RBFOX1: variants seen among roughly 807,000 people sequenced by gnomAD.
RBFOX1 encodes RNA binding protein fox-1 homolog 1.
Under a neutral mutation model 57.7 loss-of-function variants are expected in RBFOX1, and 8 were observed. The ratio of observed to expected loss-of-function variants is 0.14; its 90% CI spans 0.08 to 0.25. The LOEUF (loss-of-function observed/expected upper bound fraction) is 0.25. Ranked by LOEUF, RBFOX1 falls within the 10% of genes least tolerant of loss-of-function variation. The pLI, the probability that RBFOX1 is intolerant of heterozygous loss-of-function variation, is 1.00. For missense variants in RBFOX1, 611 were observed against 548.5 expected (o/e 1.11, Z -1.14); for synonymous variants, 326 against 222.4 (o/e 1.47, Z -4.15).
chr16:6,240,137 G>A (rs561467581), intron 1 of RBFOX1, among the ~76,000 whole-genome samples: 2 of 152,150 alleles, frequency 1.3e-5, no homozygotes, highest in South Asian at 2.1e-4. Context: ...TTCACCTTCC[G>A]CCATGAGTGA....
intron 3 of RBFOX1, among the ~76,000 whole-genome samples, chr16:6,823,105 G>T (rs917606951): frequency 6.6e-6 from 1 of 152,122 alleles, no homozygotes; most frequent in African/African-American, 2.4e-5. Flanking sequence ...GAGCATCAGA[G>T]GGTCATAGCC....
At chr16:5,385,580 A>C (rs907136371) in intron 1 of RBFOX1, among the ~76,000 whole-genome samples, 1 of 152,198 alleles carries the variant, frequency 6.6e-6, no homozygotes, top group Non-Finnish European at 1.5e-5. Context: ...TCAGCCGCCT[A>C]ATGGGCTGTC....
At chr16:7,645,581 C>A (rs1860320) in intron 11 of RBFOX1, among the ~76,000 whole-genome samples, 1 of 152,114 alleles carries the variant, frequency 6.6e-6, no homozygotes, top group Non-Finnish European at 1.5e-5. Flanking sequence ...TAGGACATTG[C>A]GTTTCTGTAA....
At chr16:5,391,635 C>G (rs973641582) in intron 1 of RBFOX1, among the ~76,000 whole-genome samples, 1 of 152,128 alleles carries the variant, frequency 6.6e-6, no homozygotes, top group African/African-American at 2.4e-5. Flanking sequence ...GCTGTCTGTT[C>G]CAGGCTCTTT....
At chr16:5,704,559 C>G (rs1025482223) in intron 3 of RBFOX1, among the ~76,000 whole-genome samples, 7 of 152,154 alleles carry the variant, frequency 4.6e-5, no homozygotes, top group Non-Finnish European at 4.4e-5. Flanking sequence ...CGTTATTCCT[C>G]GGAGATAAAT....
At chr16:6,057,692 C>T (rs1463829970) in intron 1 of RBFOX1, among the ~76,000 whole-genome samples, 1 of 152,050 alleles carries the variant, frequency 6.6e-6, no homozygotes, top group Non-Finnish European at 1.5e-5. Context: ...GTTTAGAATG[C>T]TTGAAGATGT....
At chr16:5,919,454 T>C (rs2058772930) in intron 4 of RBFOX1, among the ~76,000 whole-genome samples, 1 of 152,152 alleles carries the variant, frequency 6.6e-6, no homozygotes, top group Non-Finnish European at 1.5e-5. Context: ...GCGATTCTCC[T>C]GCCTCAGCCT....
At chr16:6,606,916 C>A (rs1345273491) in intron 2 of RBFOX1, among the ~76,000 whole-genome samples, 1 of 152,128 alleles carries the variant, frequency 6.6e-6, no homozygotes, top group Non-Finnish European at 1.5e-5. Context: ...TGTTCTGAAT[C>A]TTTGAGGAAT....
chr16:5,257,693 A>C (rs774721243), intron 1 of RBFOX1, among the ~76,000 whole-genome samples: 1 of 152,136 alleles, frequency 6.6e-6, no homozygotes, highest in Non-Finnish European at 1.5e-5. Context: ...CCATGAAGCA[A>C]GGCGCATGGG....
intron 3 of RBFOX1, among the ~76,000 whole-genome samples, chr16:7,036,143 C>T (rs935098827): frequency 6.6e-6 from 1 of 151,870 alleles, no homozygotes; most frequent in Non-Finnish European, 1.5e-5. Flanking sequence ...CCTTGGGTGC[C>T]TTCTATCCCT....
chr16:7,425,306 C>A (rs998129783), intron 4 of RBFOX1, among the ~76,000 whole-genome samples: 1 of 152,094 alleles, frequency 6.6e-6, no homozygotes, highest in African/African-American at 2.4e-5. Context: ...CTTATAAACC[C>A]GCAAGGGGTC....
intron 3 of RBFOX1, among the ~76,000 whole-genome samples, chr16:6,707,670 C>G (rs368488198): frequency 6.6e-6 from 1 of 152,130 alleles, no homozygotes; most frequent in African/African-American, 2.4e-5. Context: ...TGTACATTTA[C>G]AAGCCCAGGA....
At chr16:6,194,043 C>T (rs2097164289) in intron 1 of RBFOX1, among the ~76,000 whole-genome samples, 1 of 152,330 alleles carries the variant, frequency 6.6e-6, no homozygotes, top group South Asian at 2.1e-4. Context: ...TGTATACTAA[C>T]TGCCTCTTGG....
chr16:5,486,776 G>A (rs1362322840), intron 2 of RBFOX1, among the ~76,000 whole-genome samples: 1 of 151,712 alleles, frequency 6.6e-6, no homozygotes, highest in African/African-American at 2.4e-5. Context: ...AGCATTCACT[G>A]ATAAAACTCA....
chr16:6,355,690 G>A (rs1031329584), intron 2 of RBFOX1, among the ~76,000 whole-genome samples: 1 of 152,166 alleles, frequency 6.6e-6, no homozygotes, highest in African/African-American at 2.4e-5. Flanking sequence ...TCTAGTTCTA[G>A]ATACTTGAGG....
Position 7,146,053 on chromosome 16 carries a change from A to C in RBFOX1, c.27+93955A>C, listed in dbSNP as rs572405467. 1.6e-3 allele frequency among the ~76,000 whole-genome samples: 237 copies of C among 152,208 alleles called. 1 individual carries two copies. The highest frequency in any genetic ancestry group is 5.4e-3 in the African/African-American group (224 of 41,538). Reference sequence around the variant, plus strand: ...CTGTGATTAAAACTGCTAACTTCCCACTTCTTTTGACTGTTCCAAATGGGG... The same window carrying C: ...CTGTGATTAAAACTGCTAACTTCCCCCTTCTTTTGACTGTTCCAAATGGGG... On this transcript the variant is annotated intron_variant, in intron 4 of 15. Transcript: ENST00000550418.
chr16:6,771,698 G>A (rs2078324706), intron 3 of RBFOX1, among the ~76,000 whole-genome samples: 1 of 152,220 alleles, frequency 6.6e-6, no homozygotes, highest in African/African-American at 2.4e-5. Context: ...AGTGGAGCAA[G>A]GCACTATAAT....
rs558851415 is a variant in RBFOX1, at chr16:6,889,439, C to G, written c.-15-162618C>G. Among the ~76,000 whole-genome samples the G allele has an allele frequency of 2.6e-5, 4 of 152,218 alleles. No homozygotes were observed. In the South Asian group the frequency reaches 8.3e-4, roughly 32 times the overall value. On this transcript the variant is annotated intron_variant, in intron 3 of 15. Coordinates refer to ENST00000550418, the MANE Select transcript of RBFOX1 (RefSeq NM_018723.4). The stretch of plus-strand genomic sequence containing the variant: ...ACTTGGATTTCCAGAAAAAGGAGAA[C>G]GTGGAACAGATAACTTTGAGAAATG...
Position 6,193,372 on chromosome 16 carries a change from A to ACACAT in RBFOX1, c.-126-123623_-126-123622insCACAT, listed in dbSNP as rs1241076649. Among the ~76,000 whole-genome samples, 929 of 101,904 alleles carry ACACAT rather than the reference A, an allele frequency of 9.1e-3. 35 individuals carry two copies. Among genetic ancestry groups the ACACAT allele is most frequent in the African/African-American group, 0.03 (831 of 27,810 alleles). The allele number at this position is 101,904 out of a possible 152,430, so 66.9% of individuals were successfully genotyped here. A position where few individuals can be genotyped will look rare whatever the true frequency, so the allele number is the denominator to read the frequency against. On this transcript the variant is annotated intron_variant, in intron 1 of 15. Coordinates refer to ENST00000550418, the MANE Select transcript of RBFOX1 (RefSeq NM_018723.4). Reference sequence around the variant, plus strand: ...ATATATACATTATATATATATATATATATACATTATATATATATACTATAT... The same window carrying ACACAT: ...ATATATACATTATATATATATATATACACATTATACATTATATATATATACTATAT...
Sources: allele counts gnomAD v4.1 joint callset (sites outside exome capture counted in the v4.1 genomes callset), GRCh38; gene constraint gnomAD v4.1.1; transcripts MANE v1.5; gene names NCBI Gene and HGNC (gene_info 2026-07-23, HGNC 2026-07-21).